VDAC1: variants seen among roughly 807,000 people sequenced by gnomAD.
VDAC1 encodes non-selective voltage-gated ion channel VDAC1.
In VDAC1, 10 loss-of-function variants were observed where a neutral mutation model predicts 34.7. The observed-to-expected ratio is 0.29, with a 90% confidence interval of 0.18 to 0.49. The LOEUF is 0.49. Among genes scored for constraint, VDAC1 ranks in the 20% least tolerant of loss-of-function variants. The pLI, the probability that VDAC1 is intolerant of heterozygous loss-of-function variation, is 0.99. For synonymous variants in VDAC1, 130 were observed against 136.0 expected (o/e 0.96, Z 0.30); for missense variants, 230 against 347.9 (o/e 0.66, Z 2.69).
rs920171733 is a variant in VDAC1 at position 133,992,814 on chromosome 5, GCTT to G, written c.67+129_67+131del. 2.1e-4 allele frequency: 182 copies of G among 857,030 alleles called. No homozygotes were observed. In the Middle Eastern group the frequency reaches 4.3e-3, roughly 20 times the overall value. The allele number at this position is 857,030 out of a possible 1,614,324, so 53.1% of individuals were successfully genotyped here. ...TGCTACAATTGCCACACAAATGAAA[GCTT>G]CTTTTTTCCCTCACGTGAAAGTTCA... On this transcript the variant is annotated intron_variant, in intron 2 of 8. Coordinates refer to ENST00000265333, the MANE Select transcript of VDAC1 (RefSeq NM_003374.3).
At chr5:134,086,865 G>C in the VDAC1 span, among the ~76,000 whole-genome samples, 1 of 152,136 alleles carries the variant, frequency 6.6e-6, no homozygotes, top group Non-Finnish European at 1.5e-5. Flanking sequence ...TGAGCACAAG[G>C]TACAGTGAGT....
the VDAC1 span, among the ~76,000 whole-genome samples, chr5:134,039,181 A>T: frequency 6.6e-6 from 1 of 152,116 alleles, no homozygotes; most frequent in Non-Finnish European, 1.5e-5. Context: ...AAGACCAAGG[A>T]ACCAACCTAT....
At chr5:134,031,112 G>C in the VDAC1 span, among the ~76,000 whole-genome samples, 861 of 152,250 alleles carry the variant, frequency 5.7e-3, 7 homozygotes, top group African/African-American at 0.019. Context: ...TGACCACCTG[G>C]TGTGGGGATC....
chr5:134,039,993 C>G, the VDAC1 span, among the ~76,000 whole-genome samples: 6 of 152,318 alleles, frequency 3.9e-5, no homozygotes, highest in East Asian at 7.7e-4. Context: ...GACAGCACCC[C>G]CTTAGGCGCA....
At chr5:134,067,503 T>A in the VDAC1 span, among the ~76,000 whole-genome samples, 10 of 151,368 alleles carry the variant, frequency 6.6e-5, no homozygotes, top group Non-Finnish European at 1.3e-4. Flanking sequence ...CATTTTTAAC[T>A]TATAGAATTG....
chr5:133,999,983 G>A (rs1210475175), intron 1 of VDAC1, among the ~76,000 whole-genome samples: 1 of 152,114 alleles, frequency 6.6e-6, no homozygotes, highest in Non-Finnish European at 1.5e-5. Context: ...ACCAGCCAGT[G>A]ATCACAGAAA....
chr5:134,011,639 CTTTTT>C, the VDAC1 span, among the ~76,000 whole-genome samples: 1 of 135,074 alleles, frequency 7.4e-6, no homozygotes, highest in African/African-American at 2.8e-5. Context: ...ATCACAAGTT[CTTTTT>C]TTTTTTTTTT....
the VDAC1 span, among the ~76,000 whole-genome samples, chr5:134,113,984 G>A: frequency 1.2e-4 from 19 of 152,334 alleles, no homozygotes; most frequent in South Asian, 2.1e-4. Flanking sequence ...CATAGGGGCT[G>A]GGACTTGGAG....
At chr5:134,068,838 T>C in the VDAC1 span, among the ~76,000 whole-genome samples, 7 of 152,204 alleles carry the variant, frequency 4.6e-5, no homozygotes, top group African/African-American at 1.7e-4. Context: ...TTCTTCCACT[T>C]ACTCTATCCT....
At chr5:134,032,396 T>C in the VDAC1 span, among the ~76,000 whole-genome samples, 15,854 of 152,098 alleles carry the variant, frequency 0.1, 1,198 homozygotes, top group East Asian at 0.32. Flanking sequence ...AGGAAACCAA[T>C]ATATTACCTA....
In VDAC1 at chr5:133,980,778, T is replaced by C. The variant is rs990025173; in HGVS notation, c.502A>G (p.Asn168Asp). Reference sequence around the variant, plus strand: ...TCAGTCTTGTAGCCAACTGCAAAGTTGCTCTGGGTCACTCGGGATTTTGCA... The same window carrying C: ...TCAGTCTTGTAGCCAACTGCAAAGTCGCTCTGGGTCACTCGGGATTTTGCA... ...ETAKSRVTQS[N>D]FAVGYKTDEF... Residue 168 changes from asparagine (N) to aspartate (D), a missense_variant, in exon 6 of 9, where the codon AAC (asparagine) becomes GAC (aspartate). By Grantham distance (23) the Asn-to-Asp change is conservative. Transcript: ENST00000265333. 2 of 1,567,410 alleles carry C rather than the reference T, an allele frequency of 1.3e-6. No homozygotes were observed. Among genetic ancestry groups the C allele is most frequent in the Non-Finnish European group, 1.7e-6 (2 of 1,152,976 alleles).
the VDAC1 span, among the ~76,000 whole-genome samples, chr5:134,109,634 G>C: frequency 2.0e-5 from 3 of 152,150 alleles, no homozygotes; most frequent in Non-Finnish European, 2.9e-5. Context: ...GCCGAGCGTG[G>C]TGGCAGGTGC....
At chr5:134,003,705 C>T (rs1753647964) in intron 1 of VDAC1, among the ~76,000 whole-genome samples, 1 of 152,214 alleles carries the variant, frequency 6.6e-6, no homozygotes, top group Non-Finnish European at 1.5e-5. Context: ...CCCTTCTCCA[C>T]ACCGGCACTG....
chr5:134,108,993 C>T, the VDAC1 span, among the ~76,000 whole-genome samples: 2 of 152,198 alleles, frequency 1.3e-5, no homozygotes, highest in African/African-American at 4.8e-5. Flanking sequence ...ATAAAACAGC[C>T]AGGAGGGTTT....
chr5:134,001,984 A>T (rs1284988457), intron 1 of VDAC1, among the ~76,000 whole-genome samples: 6 of 152,140 alleles, frequency 3.9e-5, no homozygotes, highest in Non-Finnish European at 1.5e-5. Flanking sequence ...GACTCCATGG[A>T]AAACCCAAAG....
the VDAC1 span, among the ~76,000 whole-genome samples, chr5:134,071,405 G>A: frequency 6.6e-6 from 1 of 152,208 alleles, no homozygotes; most frequent in Non-Finnish European, 1.5e-5. This position sits in a 1 kb window ranked among gnomAD's most constrained non-coding sequence, Gnocchi z 4.1. Flanking sequence ...CGCGCCAGCT[G>A]TGCAGGTGGC....
intron 1 of VDAC1, among the ~76,000 whole-genome samples, chr5:134,002,882 C>T (rs1269341514): frequency 6.6e-6 from 1 of 151,914 alleles, no homozygotes; most frequent in Non-Finnish European, 1.5e-5. Flanking sequence ...GGGAGGATTG[C>T]CTGAACCCAG....
At chr5:134,077,157 A>C in the VDAC1 span, among the ~76,000 whole-genome samples, 1 of 151,540 alleles carries the variant, frequency 6.6e-6, no homozygotes, top group African/African-American at 2.4e-5. Flanking sequence ...TGCACCTGTA[A>C]TCCCAGCTAC....
chr5:134,100,072 G>A, the VDAC1 span, among the ~76,000 whole-genome samples: 1 of 152,250 alleles, frequency 6.6e-6, no homozygotes, highest in Non-Finnish European at 1.5e-5. Flanking sequence ...GGCACAGGCA[G>A]AGAAAACAGA....
Sources: gnomAD v4.1 joint callset for allele counts (sites outside exome capture counted in the v4.1 genomes callset) on GRCh38, gnomAD v4.1.1 for gene constraint, Gnocchi (gnomAD v3.1) non-coding constraint, MANE v1.5 for transcripts, NCBI Gene and HGNC (gene_info 2026-07-23, HGNC 2026-07-21) for gene names.